SERPING1: variants seen among roughly 807,000 people sequenced by gnomAD.
SERPING1 encodes plasma protease C1 inhibitor.
A neutral mutation model predicts 34.1 loss-of-function variants in SERPING1; 5 were observed. That is an observed-to-expected ratio of 0.15 (90% CI 0.08 to 0.31). The LOEUF is 0.31. Among genes scored for constraint, SERPING1 ranks in the 10% least tolerant of loss-of-function variants. The probability of loss-of-function intolerance (pLI) is 1.00; values close to 1 mark genes in which losing one functional copy is unlikely to be tolerated. For missense variants in SERPING1, 505 were observed against 609.5 expected, an observed-to-expected ratio of 0.83 and a Z score of 1.81; for synonymous variants, 225 against 242.4, an observed-to-expected ratio of 0.93 and a Z score of 0.67.
Position 57,600,166 on chromosome 11 carries a change from T to C in SERPING1, c.339T>C (p.Ser113=). 6.3e-7 allele frequency: 1 copy of C among 1,592,838 alleles called. No individual in the cohort carries two copies. Among genetic ancestry groups the C allele is most frequent in the Non-Finnish European group, 8.6e-7 (1 of 1,168,746 alleles). Residue 113 remains serine (S), a synonymous_variant, in exon 3 of 8, where the codon TCT becomes TCC. Coordinates refer to ENST00000278407, the MANE Select transcript of SERPING1 (RefSeq NM_000062.3). The part of the protein sequence containing the change: ...TQPTTQLPTD[S]PTQPTTGSFC... Reference sequence around the variant, plus strand: ...CAACTACCCAGCTCCCAACAGATTCTCCTACCCAGCCCACTACTGGGTCCT... The same window carrying C: ...CAACTACCCAGCTCCCAACAGATTCCCCTACCCAGCCCACTACTGGGTCCT...
chr11:57,609,871 G>T (rs1359886156), intron 6 of SERPING1, among the ~76,000 whole-genome samples: 1 of 152,078 alleles, frequency 6.6e-6, no homozygotes, highest in Admixed American at 6.6e-5. Context: ...GGATGAAGCA[G>T]TCCTCCCACC....
In SERPING1 at chr11:57,606,040, C is replaced by A. The variant is rs536418257; in HGVS notation, c.716C>A (p.Ala239Asp). ...DLAIRDTFVN[A>D]SRTLYSSSPR... ...GCCATAAGGGACACCTTTGTGAATG[C>A]CTCTCGGACCCTGTACAGCAGCAGC... Residue 239 changes from alanine to aspartate, a missense_variant, in exon 5 of 8, where the codon GCC (alanine) becomes GAC (aspartate). Transcript: ENST00000278407. The A allele has an allele frequency of 4.3e-6, 7 of 1,614,156 alleles. No homozygotes were observed. The East Asian group carries it at 1.3e-4, about 31-fold the overall frequency.
In SERPING1 at chr11:57,602,180, A is replaced by C; in HGVS notation, c.685+11A>C. On this transcript the variant is annotated intron_variant, in intron 4 of 7. Transcript: ENST00000278407. ...TCTTCCACAGCCCAGGTGAGTGCCC[A>C]GGAATGGGCAGTGTCTGCAGAGGAG... The C allele has an allele frequency of 1.2e-6, 2 of 1,614,126 alleles. No homozygotes were observed. Among genetic ancestry groups the C allele is most frequent in the Non-Finnish European group, 1.7e-6 (2 of 1,180,010 alleles).
In SERPING1 at chr11:57,600,195, G is replaced by C; in HGVS notation, c.368G>C (p.Cys123Ser). The change falls in exon 3 of 8, where the codon TGC becomes TCC. Residue 123 changes from cysteine (C) to serine (S), a missense_variant. Coordinates refer to ENST00000278407, the MANE Select transcript of SERPING1 (RefSeq NM_000062.3). ...ACCCAGCCCACTACTGGGTCCTTCT[G>C]CCCAGGACCTGTTACTCTCTGCTCT... The part of the protein sequence containing the change: ...SPTQPTTGSF[C>S]PGPVTLCSDL... 6.2e-7 allele frequency: 1 copy of C among 1,610,822 alleles called. No homozygotes were observed. Among genetic ancestry groups the C allele is most frequent in the Non-Finnish European group, 8.5e-7 (1 of 1,179,670 alleles).
At chr11:57,610,221 A>T (rs185474917) in intron 6 of SERPING1, among the ~76,000 whole-genome samples, 1 of 152,342 alleles carries the variant, frequency 6.6e-6, no homozygotes, top group Admixed American at 6.5e-5. Context: ...AACATGATGA[A>T]GTTGGTTTCT....
At chr11:57,602,773 A>G (rs892227368) in intron 4 of SERPING1, among the ~76,000 whole-genome samples, 1 of 89,124 alleles carries the variant, frequency 1.1e-5, no homozygotes, top group Non-Finnish European at 2.3e-5. Context: ...AAACAAAAAC[A>G]AAACAAAAAC....
intron 4 of SERPING1, chr11:57,605,541 T>C (rs1590826108): frequency 5.3e-6 from 1 of 189,912 alleles, no homozygotes; most frequent in East Asian, 1.4e-4. Flanking sequence ...GGGGAAAATA[T>C]CTTTAATCTA....
chr11:57,597,945 G>C (rs1226959197), intron 1 of SERPING1: 2 of 397,240 alleles, frequency 5.0e-6, no homozygotes, highest in Non-Finnish European at 9.3e-6. Flanking sequence ...CACGCCTCTG[G>C]CCTCATTGTT....
chr11:57,598,289 C>A lies in SERPING1; in HGVS notation c.19C>A (p.Leu7Met). MASRLT[L>M]LTLLLLLLAG... is the part of the protein sequence containing the mutation. ...CGCCCAGATGGCCTCCAGGCTGACC[C>A]TGCTGACCCTCCTGCTGCTGCTGCT... is the stretch of plus-strand genomic sequence containing the variant. The change falls in exon 2 of 8, where the codon CTG becomes ATG. Residue 7 changes from leucine (L) to methionine (M), a missense_variant. By Grantham distance (15) the Leu-to-Met change is conservative. Coordinates refer to ENST00000278407, the MANE Select transcript of SERPING1 (RefSeq NM_000062.3). The A allele has an allele frequency of 6.4e-7, 1 of 1,563,020 alleles. No homozygotes were observed. Among genetic ancestry groups the A allele is most frequent in the East Asian group, 2.4e-5 (1 of 42,346 alleles).
intron 6 of SERPING1, among the ~76,000 whole-genome samples, chr11:57,610,747 A>G (rs183506564): frequency 1.3e-5 from 2 of 152,306 alleles, no homozygotes; most frequent in African/African-American, 4.8e-5. Flanking sequence ...TCTACTCACT[A>G]GAAGCCAGTA....
chr11:57,611,641 C>T, intron 6 of SERPING1, 76 bp from the exon 7 acceptor site: 1 of 1,326,940 alleles, frequency 7.5e-7, no homozygotes, highest in Non-Finnish European at 1.1e-6. Context: ...GACTGCAGGA[C>T]AGCATTGTGA....
rs770743959 is a variant in SERPING1 at position 57,614,445 on chromosome 11, C to T, written c.1367C>T (p.Ala456Val). 26 of 1,614,042 alleles carry T rather than the reference C, an allele frequency of 1.6e-5. No homozygotes were observed. The highest frequency in any genetic ancestry group is 2.2e-5 in the South Asian group (2 of 91,082). The change falls in exon 8 of 8, where the codon GCG becomes GTG. Residue 456 changes from alanine to valine, a missense_variant. Ala to Val is a moderately conservative substitution (Grantham distance 64). Transcript: ENST00000278407. ...VLELTETGVE[A>V]AAASAISVAR... is the part of the protein sequence containing the mutation. Reference sequence around the variant, plus strand: ...GAACTGACAGAGACTGGGGTGGAGGCGGCTGCAGCCTCCGCCATCTCTGTG... The same window carrying T: ...GAACTGACAGAGACTGGGGTGGAGGTGGCTGCAGCCTCCGCCATCTCTGTG...
Position 57,606,430 on chromosome 11 carries a change from T to A in SERPING1, c.912T>A (p.Asp304Glu). Residue 304 changes from aspartate (D) to glutamate (E), a missense_variant, in exon 6 of 8, where the codon GAT becomes GAA. Physicochemically the swap from Asp to Glu is conservative, Grantham distance 45 (BLOSUM62 2). Coordinates refer to ENST00000278407, the MANE Select transcript of SERPING1 (RefSeq NM_000062.3). ...YLSAKWKTTF[D>E]PKKTRMEPFH... ...TAGCCAAGTGGAAGACAACATTTGA[T>A]CCCAAGAAAACCAGAATGGAACCCT... The A allele has an allele frequency of 6.2e-7, 1 of 1,614,130 alleles. No individual in the cohort carries two copies. Among genetic ancestry groups the A allele is most frequent in the Non-Finnish European group, 8.5e-7 (1 of 1,180,024 alleles).
intron 7 of SERPING1, 95 bp from the exon 8 acceptor site, chr11:57,614,233 C>G: frequency 1.3e-6 from 2 of 1,493,066 alleles, no homozygotes; most frequent in Middle Eastern, 1.7e-4. Flanking sequence ...AGCACTGGGA[C>G]TCAGGATGAA....
chr11:57,608,799 C>G (rs1217668985), intron 6 of SERPING1, among the ~76,000 whole-genome samples: 1 of 150,542 alleles, frequency 6.6e-6, no homozygotes, highest in Non-Finnish European at 1.5e-5. Context: ...AGGCGTGAGC[C>G]ACTGCACCCA....
At chr11:57,604,131 C>CA (rs71470279) in intron 4 of SERPING1, among the ~76,000 whole-genome samples, 2 of 125,624 alleles carry the variant, frequency 1.6e-5, no homozygotes, top group African/African-American at 5.9e-5. Context: ...GACTCTGTCT[C>CA]AAAAAAAAAA....
At chr11:57,606,259 T>C in intron 5 of SERPING1, 46 bp downstream of exon 5, 2 of 1,610,184 alleles carry the variant, frequency 1.2e-6, no homozygotes, top group Non-Finnish European at 1.7e-6. Context: ...TGGGTCCTTC[T>C]TCCCCTCCTG....
chr11:57,611,463 C>T (rs774078399), intron 6 of SERPING1: 117 of 553,526 alleles, frequency 2.1e-4, no homozygotes, highest in Admixed American at 4.9e-4. Context: ...TTACATAGCT[C>T]GTCAGTGGTG....
At chr11:57,612,356 G>C (rs1326853729) in intron 7 of SERPING1, among the ~76,000 whole-genome samples, 1 of 151,712 alleles carries the variant, frequency 6.6e-6, no homozygotes, top group Non-Finnish European at 1.5e-5. Context: ...TGGAAGTGCA[G>C]ATCTGGAGGC....
Sources: gnomAD v4.1 joint callset for allele counts (sites outside exome capture counted in the v4.1 genomes callset) on GRCh38, gnomAD v4.1.1 for gene constraint, MANE v1.5 for transcripts, NCBI Gene and HGNC (gene_info 2026-07-23, HGNC 2026-07-21) for gene names.